Variants in RNF182 observed in about 807,000 individuals in gnomAD.
RNF182 encodes ring finger protein 182, also known as E3 ubiquitin-protein ligase RNF182.
In RNF182, 15 loss-of-function variants were observed where a neutral mutation model predicts 14.4. The observed-to-expected ratio is 1.04, with a 90% CI of 0.70 to 1.60. The LOEUF (loss-of-function observed/expected upper bound fraction) is 1.60, where lower values mean the gene tolerates loss of function less well. Among genes scored for constraint, RNF182 ranks in the 40% most tolerant of loss-of-function variants. The pLI, the probability that RNF182 is intolerant of heterozygous loss-of-function variation, is 0.00. For synonymous variants in RNF182, 128 were observed against 122.9 expected, an observed-to-expected ratio of 1.04 and a Z score of -0.27; for missense variants, 268 against 294.8, an observed-to-expected ratio of 0.91 and a Z score of 0.67.
intron 1 of RNF182, among the ~76,000 whole-genome samples, chr6:13,930,979 T>A (rs1201626083): frequency 6.6e-6 from 1 of 152,236 alleles, no homozygotes; most frequent in Non-Finnish European, 1.5e-5. Context: ...GCAGTGAAGA[T>A]GCTTTTGGGA....
rs755148967 is a variant in RNF182, at chr6:13,977,738, A to T, written c.619A>T (p.Lys207Ter). ...CTTAGGAATCTACTTACTGGTGTCT[A>T]AGAAAGTCACCCTTGGGGTCGTCTT... ...LPLGIYLLVS[K>*]KVTLGVVFVS... Residue 207 changes from lysine to a stop codon, truncating the protein, a stop_gained, in exon 3 of 3, where the codon AAG becomes TAG. Coordinates refer to ENST00000488300, the MANE Select transcript of RNF182 (RefSeq NM_152737.4). LOFTEE classifies it high-confidence loss of function. The T allele has an allele frequency of 6.2e-6, 10 of 1,614,026 alleles. No homozygotes were observed. Among genetic ancestry groups the T allele is most frequent in the Non-Finnish European group, 8.5e-6 (10 of 1,180,024 alleles).
At chr6:13,966,895 G>A (rs1004406646) in intron 1 of RNF182, among the ~76,000 whole-genome samples, 1 of 152,044 alleles carries the variant, frequency 6.6e-6, no homozygotes, top group Non-Finnish European at 1.5e-5. Context: ...GGAGTGCAGT[G>A]GTGCAATCAT....
chr6:13,940,780 A>AT (rs1037574222), intron 1 of RNF182, among the ~76,000 whole-genome samples: 2 of 151,916 alleles, frequency 1.3e-5, no homozygotes, highest in South Asian at 2.1e-4. Flanking sequence ...ATTCTGTCAC[A>AT]TTTTTTCTGC....
chr6:13,944,508 G>A (rs1759386928), intron 1 of RNF182, among the ~76,000 whole-genome samples: 1 of 152,160 alleles, frequency 6.6e-6, no homozygotes, highest in African/African-American at 2.4e-5. Flanking sequence ...AGAGGAGCCT[G>A]ACTAAAGTTT....
intron 1 of RNF182, among the ~76,000 whole-genome samples, chr6:13,963,420 T>C (rs1403270755): frequency 6.6e-6 from 1 of 152,226 alleles, no homozygotes; most frequent in African/African-American, 2.4e-5. Flanking sequence ...AACTAGTGGC[T>C]GGAAACAACA....
At chr6:13,973,012 C>T (rs1411125974) in intron 1 of RNF182, among the ~76,000 whole-genome samples, 2 of 152,188 alleles carry the variant, frequency 1.3e-5, no homozygotes, top group Non-Finnish European at 2.9e-5. Context: ...GTGAAAGCAG[C>T]CAGGAGGGAG....
intron 2 of RNF182, among the ~76,000 whole-genome samples, chr6:13,976,466 C>T (rs1407258139): frequency 6.6e-6 from 1 of 152,164 alleles, no homozygotes; most frequent in Non-Finnish European, 1.5e-5. Flanking sequence ...TTAATATTCC[C>T]TTTTGTGTAT....
At chr6:13,959,616 C>T (rs368941625) in intron 1 of RNF182, among the ~76,000 whole-genome samples, 1 of 152,146 alleles carries the variant, frequency 6.6e-6, no homozygotes, top group African/African-American at 2.4e-5. Context: ...TGGAAACATA[C>T]TTTGGTTGAA....
At chr6:13,973,187 C>G (rs1760238094) in intron 1 of RNF182, among the ~76,000 whole-genome samples, 1 of 152,178 alleles carries the variant, frequency 6.6e-6, no homozygotes, top group Admixed American at 6.5e-5. Context: ...ACCAGTTTCT[C>G]CCATTTGGAA....
chr6:13,937,104 T>C (rs1759130987), intron 1 of RNF182, among the ~76,000 whole-genome samples: 1 of 152,224 alleles, frequency 6.6e-6, no homozygotes, highest in Non-Finnish European at 1.5e-5. Flanking sequence ...TCACATTACT[T>C]GTTTTGTGTT....
At chr6:13,926,223 A>G (rs1464805244) in intron 1 of RNF182, among the ~76,000 whole-genome samples, 2 of 152,236 alleles carry the variant, frequency 1.3e-5, no homozygotes, top group African/African-American at 4.8e-5. Context: ...TATGGAATGC[A>G]AGAAATTATA....
chr6:13,940,514 G>C (rs975333785), intron 1 of RNF182, among the ~76,000 whole-genome samples: 4 of 151,964 alleles, frequency 2.6e-5, no homozygotes, highest in African/African-American at 9.7e-5. Context: ...CCCTTGATCA[G>C]TCTTGCCTGG....
intron 1 of RNF182, among the ~76,000 whole-genome samples, chr6:13,951,765 A>G (rs1434047902): frequency 6.6e-6 from 1 of 152,180 alleles, no homozygotes; most frequent in Non-Finnish European, 1.5e-5. Flanking sequence ...AAGCCACATT[A>G]TAAAAGAAAA....
chr6:13,952,611 G>A (rs1319691580), intron 1 of RNF182, among the ~76,000 whole-genome samples: 1 of 152,032 alleles, frequency 6.6e-6, no homozygotes, highest in African/African-American at 2.4e-5. Context: ...TGGTTAAGTG[G>A]GGGTCTCTCC....
chr6:13,963,518 A>T (rs1352745013), intron 1 of RNF182, among the ~76,000 whole-genome samples: 16 of 152,086 alleles, frequency 1.1e-4, no homozygotes, highest in Admixed American at 7.9e-4. Context: ...TCATGGTGCT[A>T]CTCATTCAAA....
chr6:13,930,021 T>A (rs1758926489), intron 1 of RNF182, among the ~76,000 whole-genome samples: 1 of 152,212 alleles, frequency 6.6e-6, no homozygotes, highest in South Asian at 2.1e-4. Flanking sequence ...TAATTTATTA[T>A]TCGTATTCAT....
intron 1 of RNF182, chr6:13,949,669 C>T (rs1759534326): frequency 3.4e-6 from 1 of 294,046 alleles, no homozygotes; most frequent in Non-Finnish European, 6.6e-6. Flanking sequence ...AAGTATAGAT[C>T]AGAAGTTTTA....
At chr6:13,930,131 T>G (rs529001697) in intron 1 of RNF182, among the ~76,000 whole-genome samples, 1 of 151,992 alleles carries the variant, frequency 6.6e-6, no homozygotes, top group Non-Finnish European at 1.5e-5. Flanking sequence ...ATTTGGAAAA[T>G]ATTCCAAAAA....
intron 1 of RNF182, among the ~76,000 whole-genome samples, chr6:13,956,118 G>C (rs887544940): frequency 3.9e-5 from 6 of 152,076 alleles, no homozygotes; most frequent in African/African-American, 1.4e-4. Context: ...CAGATGACAA[G>C]ATTTCATTCT....
Sources: allele counts gnomAD v4.1 joint callset (sites outside exome capture counted in the v4.1 genomes callset), GRCh38; gene constraint gnomAD v4.1.1; transcripts MANE v1.5; gene names NCBI Gene and HGNC (gene_info 2026-07-23, HGNC 2026-07-21).